The following RALYL variants were observed in gnomAD, a reference collection of about 807,000 sequenced individuals.
RALYL encodes RALY RNA binding protein like.
In RALYL, 29 loss-of-function variants were observed where a neutral mutation model predicts 35.1. The ratio of observed to expected loss-of-function variants is 0.83; its 90% CI spans 0.61 to 1.13. RALYL has a LOEUF of 1.13. Ranked by LOEUF, RALYL falls within the 50% of genes most tolerant of loss-of-function variation. RALYL has a pLI of 0.00. For missense variants in RALYL, 359 were observed against 360.4 expected (o/e 1.00, Z 0.03); for synonymous variants, 120 against 127.6 (o/e 0.94, Z 0.40).
chr8:84,637,778 T>C (rs1018631869), intron 2 of RALYL, among the ~76,000 whole-genome samples: 9 of 151,790 alleles, frequency 5.9e-5, no homozygotes, highest in Admixed American at 3.3e-4. Flanking sequence ...ATCTCTGGAA[T>C]TTTGCAGCTG....
intron 1 of RALYL, among the ~76,000 whole-genome samples, chr8:84,450,672 T>TG (rs1161906827): frequency 6.6e-6 from 1 of 151,984 alleles, no homozygotes; most frequent in Non-Finnish European, 1.5e-5. Flanking sequence ...ATTCTTGCAT[T>TG]TTTTTCTACT....
At chr8:84,717,953 G>A (rs1202106324) in intron 2 of RALYL, among the ~76,000 whole-genome samples, 2 of 152,030 alleles carry the variant, frequency 1.3e-5, no homozygotes, top group Non-Finnish European at 2.9e-5. Flanking sequence ...AATAAAACTA[G>A]TTTAAGGTAT....
chr8:84,514,090 T>TAAAAAAAAAAAAAAAAAAAAAAAAA (rs57881021), intron 1 of RALYL, among the ~76,000 whole-genome samples: 20 of 41,154 alleles, frequency 4.9e-4, no homozygotes, highest in East Asian at 1.8e-3. Flanking sequence ...AGATTTCATC[T>TAAAAAAAAAAAAAAAAAAAAAAAAA]AAAAAAAAAA....
At chr8:84,190,201 G>A (rs1813527470) in intron 1 of RALYL, among the ~76,000 whole-genome samples, 1 of 152,158 alleles carries the variant, frequency 6.6e-6, no homozygotes, top group Non-Finnish European at 1.5e-5. Flanking sequence ...TGTAAATATA[G>A]GTGTCTTGTC....
At chr8:84,608,628 A>G (rs1452309696) in intron 2 of RALYL, among the ~76,000 whole-genome samples, 2 of 152,128 alleles carry the variant, frequency 1.3e-5, no homozygotes, top group East Asian at 1.9e-4. Context: ...CTGAAAATGA[A>G]TCTTTTAAAC....
intron 1 of RALYL, among the ~76,000 whole-genome samples, chr8:84,420,113 A>G (rs2045322130): frequency 6.6e-6 from 1 of 151,718 alleles, no homozygotes; most frequent in Non-Finnish European, 1.5e-5. Context: ...TCCCTGAGGA[A>G]TCGCCACACT....
intron 1 of RALYL, among the ~76,000 whole-genome samples, chr8:84,433,225 G>T (rs1351396515): frequency 6.6e-6 from 1 of 152,012 alleles, no homozygotes; most frequent in Non-Finnish European, 1.5e-5. Context: ...TTCTTGACAT[G>T]GAAGTTTCTT....
chr8:84,803,870 T>C (rs1823948804), intron 3 of RALYL, among the ~76,000 whole-genome samples: 1 of 152,224 alleles, frequency 6.6e-6, no homozygotes, highest in South Asian at 2.1e-4. Flanking sequence ...TCAACTGTCT[T>C]TCTTAAAAAT....
rs1248669642 is a variant in RALYL at position 84,468,454 on chromosome 8, G to T, written c.-23-60845G>T. On this transcript the variant is annotated intron_variant, in intron 1 of 8. Transcript: ENST00000521268. ...CTGGGTTCAAAATTCTTTTCTTTAA[G>T]AATGTTGAACATTGGCCCCCACTCT... is the stretch of plus-strand genomic sequence containing the variant. Among the ~76,000 whole-genome samples, 17 of 150,060 alleles carry T rather than the reference G, an allele frequency of 1.1e-4. No individual in the cohort carries two copies. In the South Asian group the frequency reaches 1.4e-3, roughly 12 times the overall value.
intron 6 of RALYL, among the ~76,000 whole-genome samples, chr8:84,871,360 T>G (rs1343365026): frequency 6.6e-6 from 1 of 152,184 alleles, no homozygotes; most frequent in Non-Finnish European, 1.5e-5. Flanking sequence ...TCAACTGCAT[T>G]CCTGGGCTAA....
chr8:84,790,531 T>C (rs1820530718), intron 3 of RALYL, among the ~76,000 whole-genome samples: 1 of 152,192 alleles, frequency 6.6e-6, no homozygotes, highest in Non-Finnish European at 1.5e-5. Flanking sequence ...GAAACATAAA[T>C]TTGTGGATGT....
At chr8:84,235,836 G>C (rs578008447) in intron 1 of RALYL, among the ~76,000 whole-genome samples, 1 of 144,116 alleles carries the variant, frequency 6.9e-6, no homozygotes, top group Non-Finnish European at 1.5e-5. Context: ...GTGCGATCTC[G>C]GCTCACTGCA....
chr8:84,844,979 A>C (rs1834303529), intron 4 of RALYL, among the ~76,000 whole-genome samples: 1 of 151,864 alleles, frequency 6.6e-6, no homozygotes, highest in South Asian at 2.1e-4. Context: ...GGGGTGGGGG[A>C]AGGGGGGAGG....
chr8:84,204,444 T>A (rs1466725332), intron 1 of RALYL, among the ~76,000 whole-genome samples: 1 of 152,234 alleles, frequency 6.6e-6, no homozygotes, highest in Non-Finnish European at 1.5e-5. Flanking sequence ...CTGTTTCATG[T>A]TGAATGGAAA....
intron 6 of RALYL, 22 bp from the exon 7 acceptor site, chr8:84,873,262 C>T (rs1840553123): frequency 4.4e-6 from 6 of 1,378,672 alleles, no homozygotes; most frequent in Non-Finnish European, 5.1e-6. Flanking sequence ...CTGTTGTTTT[C>T]TTCCTTCTTT....
intron 2 of RALYL, among the ~76,000 whole-genome samples, chr8:84,699,390 C>T (rs1020403170): frequency 7.2e-5 from 11 of 152,104 alleles, no homozygotes; most frequent in African/African-American, 2.7e-4. Flanking sequence ...AAATGCCATA[C>T]ATTGGGTGGC....
chr8:84,573,774 T>C (rs1488857592), intron 2 of RALYL, among the ~76,000 whole-genome samples: 1 of 151,982 alleles, frequency 6.6e-6, no homozygotes, highest in Non-Finnish European at 1.5e-5. Context: ...TGATCTCTTT[T>C]GAATAGTGTT....
intron 2 of RALYL, among the ~76,000 whole-genome samples, chr8:84,720,661 C>G (rs1304167409): frequency 6.6e-6 from 1 of 152,090 alleles, no homozygotes; most frequent in Non-Finnish European, 1.5e-5. Flanking sequence ...AACCAAGAAG[C>G]TTCTGCACAG....
At chr8:84,482,125 C>T (rs2054110060) in intron 1 of RALYL, among the ~76,000 whole-genome samples, 1 of 151,996 alleles carries the variant, frequency 6.6e-6, no homozygotes. Flanking sequence ...AATATGCTTA[C>T]ACTTTTAGTA....
Sources: allele counts gnomAD v4.1 joint callset (sites outside exome capture counted in the v4.1 genomes callset), GRCh38; gene constraint gnomAD v4.1.1; transcripts MANE v1.5; gene names NCBI Gene and HGNC (gene_info 2026-07-23, HGNC 2026-07-21).